The following IMMP2L variants were observed in gnomAD, a reference collection of about 807,000 sequenced individuals.
The protein encoded by IMMP2L is inner mitochondrial membrane peptidase subunit 2.
IMMP2L carries 18 observed loss-of-function variants against 19.3 expected under a neutral mutation model. That is an observed-to-expected ratio of 0.93 (90% CI 0.64 to 1.38). The LOEUF (loss-of-function observed/expected upper bound fraction) is 1.38, where lower values mean the gene tolerates loss of function less well. Among genes scored for constraint, IMMP2L ranks in the 40% most tolerant of loss-of-function variants. The pLI, the probability that IMMP2L is intolerant of heterozygous loss-of-function variation, is 0.00. For missense variants in IMMP2L, 233 were observed against 218.2 expected, an observed-to-expected ratio of 1.07 and a Z score of -0.43; for synonymous variants, 76 against 73.0, an observed-to-expected ratio of 1.04 and a Z score of -0.21.
At chr7:111,025,412 T>C (rs1348263849) in intron 3 of IMMP2L, among the ~76,000 whole-genome samples, 1 of 152,200 alleles carries the variant, frequency 6.6e-6, no homozygotes, top group East Asian at 1.9e-4. Flanking sequence ...AAACAAGCTA[T>C]TGTAATATCC....
intron 1 of IMMP2L, among the ~76,000 whole-genome samples, chr7:111,540,409 T>C (rs1298536098): frequency 6.6e-6 from 1 of 152,182 alleles, no homozygotes; most frequent in Non-Finnish European, 1.5e-5. Context: ...AGGGAAACAC[T>C]TGCAATCAAG....
intron 4 of IMMP2L, among the ~76,000 whole-genome samples, chr7:110,961,534 G>T (rs1585461118): frequency 6.6e-6 from 1 of 150,840 alleles, no homozygotes; most frequent in East Asian, 2.0e-4. Context: ...AGAACCCATG[G>T]ATACAGAGGG....
At chr7:110,829,427 C>G (rs1257680992) in intron 5 of IMMP2L, among the ~76,000 whole-genome samples, 1 of 152,116 alleles carries the variant, frequency 6.6e-6, no homozygotes, top group Non-Finnish European at 1.5e-5. Flanking sequence ...CCTAATTTTT[C>G]TGTTAAGTGC....
chr7:110,938,737 C>T (rs1366344263), intron 4 of IMMP2L, among the ~76,000 whole-genome samples: 1 of 151,950 alleles, frequency 6.6e-6, no homozygotes, highest in African/African-American at 2.4e-5. Flanking sequence ...ATCTACAAAA[C>T]AATACAAAAA....
chr7:111,522,756 C>G (rs958078195), intron 1 of IMMP2L, among the ~76,000 whole-genome samples: 13 of 151,872 alleles, frequency 8.6e-5, no homozygotes, highest in African/African-American at 2.9e-4. Flanking sequence ...ATAGAACTAC[C>G]ACATGATTCT....
intron 2 of IMMP2L, among the ~76,000 whole-genome samples, chr7:111,489,061 T>G (rs1842886783): frequency 1.4e-5 from 2 of 146,270 alleles, no homozygotes; most frequent in African/African-American, 2.5e-5. Flanking sequence ...TTTTTTTTTT[T>G]GAGATGGAGT....
chr7:111,530,682 A>AT (rs1318713392), intron 1 of IMMP2L, among the ~76,000 whole-genome samples: 3 of 152,066 alleles, frequency 2.0e-5, no homozygotes, highest in Non-Finnish European at 4.4e-5. Flanking sequence ...AAAATTCATG[A>AT]TGAGAAAGGC....
At chr7:110,975,038 T>C in intron 3 of IMMP2L, among the ~76,000 whole-genome samples, 1 of 152,108 alleles carries the variant, frequency 6.6e-6, no homozygotes, top group East Asian at 1.9e-4. Flanking sequence ...TCCTGGAGCA[T>C]CTTATTTCAT....
intron 3 of IMMP2L, among the ~76,000 whole-genome samples, chr7:111,022,277 G>C (rs1826364161): frequency 6.6e-6 from 1 of 152,100 alleles, no homozygotes; most frequent in South Asian, 2.1e-4. Flanking sequence ...ATGCAGGCTG[G>C]GCATAGCAGA....
chr7:110,876,459 T>C (rs1303552216), intron 5 of IMMP2L, among the ~76,000 whole-genome samples: 4 of 152,120 alleles, frequency 2.6e-5, no homozygotes, highest in Non-Finnish European at 5.9e-5. Flanking sequence ...AAAAATCTAA[T>C]CATTACCAGG....
intron 5 of IMMP2L, among the ~76,000 whole-genome samples, chr7:110,826,121 T>A (rs1375838503): frequency 6.6e-6 from 1 of 152,064 alleles, no homozygotes; most frequent in Non-Finnish European, 1.5e-5. Context: ...GAAATGCAAA[T>A]CAAAGCCACA....
intron 3 of IMMP2L, among the ~76,000 whole-genome samples, chr7:111,098,080 T>C (rs906560251): frequency 9.9e-5 from 15 of 151,740 alleles, no homozygotes; most frequent in African/African-American, 3.4e-4. Flanking sequence ...ATAAACATAC[T>C]CTAAGAACAT....
chr7:110,834,996 G>A (rs1804308729), intron 5 of IMMP2L, among the ~76,000 whole-genome samples: 3 of 152,096 alleles, frequency 2.0e-5, no homozygotes, highest in Admixed American at 1.3e-4. Flanking sequence ...CAGGACAGGT[G>A]CCAGATGGAA....
At chr7:110,915,257 G>GCACA (rs972128336) in intron 4 of IMMP2L, among the ~76,000 whole-genome samples, 2 of 152,014 alleles carry the variant, frequency 1.3e-5, no homozygotes, top group South Asian at 2.1e-4. Flanking sequence ...GTGCGTGCAC[G>GCACA]CACACACACA....
intron 4 of IMMP2L, among the ~76,000 whole-genome samples, chr7:110,939,631 T>C (rs1816513484): frequency 6.6e-6 from 1 of 152,162 alleles, no homozygotes; most frequent in South Asian, 2.1e-4. Context: ...ACTGTCTCCC[T>C]GTTTATGGAA....
chr7:111,197,702 C>T (rs1809659399), intron 3 of IMMP2L, among the ~76,000 whole-genome samples: 1 of 152,132 alleles, frequency 6.6e-6, no homozygotes, highest in Non-Finnish European at 1.5e-5. Context: ...AGCAGAACTA[C>T]TATACAATGC....
At chr7:111,148,283 T>C (rs1466079481) in intron 3 of IMMP2L, among the ~76,000 whole-genome samples, 2 of 152,084 alleles carry the variant, frequency 1.3e-5, no homozygotes. Context: ...ATGATTCCAA[T>C]TACATGAAAT....
At chr7:111,395,675 T>C (rs368175958) in intron 3 of IMMP2L, among the ~76,000 whole-genome samples, 29 of 152,282 alleles carry the variant, frequency 1.9e-4, no homozygotes, top group African/African-American at 7.0e-4. Flanking sequence ...ATAGTATAAT[T>C]TAATCTCTAT....
chr7:110,892,237 T>C (rs981439891), intron 4 of IMMP2L, among the ~76,000 whole-genome samples: 10 of 152,134 alleles, frequency 6.6e-5, no homozygotes, highest in African/African-American at 2.4e-4. Context: ...TGAACTCATA[T>C]CGCAGGAAAA....
Sources: gnomAD v4.1 joint callset for allele counts (sites outside exome capture counted in the v4.1 genomes callset) on GRCh38, gnomAD v4.1.1 for gene constraint, MANE v1.5 for transcripts, NCBI Gene and HGNC (gene_info 2026-07-23, HGNC 2026-07-21) for gene names.